The following NCBP1 variants were observed in gnomAD, a reference collection of about 807,000 sequenced individuals.
NCBP1 encodes nuclear cap binding protein subunit 1.
Under a neutral mutation model 111.7 loss-of-function variants are expected in NCBP1, and 16 were observed. The observed-to-expected ratio is 0.14, with a 90% CI of 0.10 to 0.22. The LOEUF is 0.22. Among genes scored for constraint, NCBP1 ranks in the 10% least tolerant of loss-of-function variants. The probability of loss-of-function intolerance (pLI) is 1.00; values close to 1 mark genes in which losing one functional copy is unlikely to be tolerated. For missense variants in NCBP1, 607 were observed against 957.5 expected, an observed-to-expected ratio of 0.63 and a Z score of 4.83; for synonymous variants, 304 against 314.3, an observed-to-expected ratio of 0.97 and a Z score of 0.35.
intron 15 of NCBP1, among the ~76,000 whole-genome samples, chr9:97,659,428 T>C (rs2131356639): frequency 6.6e-6 from 1 of 152,332 alleles, no homozygotes; most frequent in Non-Finnish European, 1.5e-5. Context: ...TGTGTGCCTG[T>C]TTCTCCACCT....
chr9:97,646,249 A>ATGACAGCC (rs1827332000), intron 6 of NCBP1, among the ~76,000 whole-genome samples: 23 of 152,196 alleles, frequency 1.5e-4, no homozygotes, highest in Admixed American at 1.5e-3. Flanking sequence ...AGTACTTCTT[A>ATGACAGCC]AGTAATATGA....
At chr9:97,664,544 T>G (rs952787232) in intron 19 of NCBP1, 101 bp downstream of exon 19, 1 of 732,380 alleles carries the variant, frequency 1.4e-6, no homozygotes, top group African/African-American at 1.8e-5. Flanking sequence ...CAGGTTGATA[T>G]TAATATACTA....
At chr9:97,656,135 C>T (rs747608887) in intron 14 of NCBP1, 50 bp downstream of exon 14, 4 of 1,396,702 alleles carry the variant, frequency 2.9e-6, no homozygotes, top group Admixed American at 1.7e-5. Context: ...GGATTTCTTT[C>T]TCTTCTCTGC....
chr9:97,660,559 CA>C (rs572286928), intron 15 of NCBP1, among the ~76,000 whole-genome samples: 103 of 152,252 alleles, frequency 6.8e-4, no homozygotes, highest in African/African-American at 2.2e-3. Flanking sequence ...TGGGTGTTGG[CA>C]AAATGAAAGA....
In NCBP1 at chr9:97,655,690, TTC is replaced by T. The variant is rs1827632583; in HGVS notation, c.1236-8_1236-7del. 4 of 1,602,848 alleles carry T rather than the reference TTC, an allele frequency of 2.5e-6. No homozygotes were observed. Among genetic ancestry groups the T allele is most frequent in the Non-Finnish European group, 3.4e-6 (4 of 1,174,704 alleles). On this transcript the variant is annotated splice_polypyrimidine_tract_variant and intron_variant, in intron 12 of 22. Coordinates refer to ENST00000375147, the MANE Select transcript of NCBP1 (RefSeq NM_002486.5). ...TCCTTTTTCTCTGCCTACCTCCCCC[TTC>T]TCTACGTAGGTTTATTAATTGGTTT...
intron 20 of NCBP1, among the ~76,000 whole-genome samples, chr9:97,667,608 G>C (rs1244680881): frequency 1.3e-5 from 2 of 152,160 alleles, no homozygotes; most frequent in Non-Finnish European, 2.9e-5. Context: ...ATAGCTAGTA[G>C]GTTGCATAGC....
chr9:97,639,942 A>G (rs1827159016), intron 1 of NCBP1, among the ~76,000 whole-genome samples: 1 of 145,886 alleles, frequency 6.9e-6, no homozygotes. Flanking sequence ...GATTTAAAAA[A>G]CATAGAGATT....
chr9:97,654,967 G>A, intron 12 of NCBP1, 23 bp downstream of exon 12: 1 of 1,529,070 alleles, frequency 6.5e-7, no homozygotes, highest in South Asian at 1.2e-5. Context: ...CTTTACTGCT[G>A]AGCTGAGTTA....
chr9:97,643,428 C>G, intron 4 of NCBP1, 68 bp downstream of exon 4: 1 of 1,396,522 alleles, frequency 7.2e-7, no homozygotes, highest in Non-Finnish European at 9.5e-7. Flanking sequence ...GAACTACAAC[C>G]AAATAATTTA....
At chr9:97,653,983 G>A in intron 11 of NCBP1, 75 bp downstream of exon 11, 15 of 1,336,400 alleles carry the variant, frequency 1.1e-5, no homozygotes, top group Non-Finnish European at 1.6e-5. Context: ...TCTGCTTGTG[G>A]GTTTAAATTT....
intron 19 of NCBP1, 69 bp downstream of exon 19, chr9:97,664,512 A>T: frequency 9.4e-7 from 1 of 1,061,362 alleles, no homozygotes; most frequent in South Asian, 1.5e-5. Flanking sequence ...CTTATACATA[A>T]GCTTCAAATT....
At chr9:97,668,212 G>C (rs1217692975) in intron 20 of NCBP1, among the ~76,000 whole-genome samples, 1 of 152,200 alleles carries the variant, frequency 6.6e-6, no homozygotes, top group African/African-American at 2.4e-5. Flanking sequence ...GTGATGCTGG[G>C]AAAGTCATCT....
intron 18 of NCBP1, among the ~76,000 whole-genome samples, chr9:97,663,897 G>A (rs1422204871): frequency 6.6e-6 from 1 of 151,880 alleles, no homozygotes; most frequent in African/African-American, 2.4e-5. Flanking sequence ...CTAATGATCA[G>A]GCCAGGCGTG....
At chr9:97,670,211 C>A in intron 22 of NCBP1, 1 of 196,572 alleles carries the variant, frequency 5.1e-6, no homozygotes. Context: ...AGCCACGGTG[C>A]CCAGTCTCCT....
At position 97,669,650 on chromosome 9, in the gene NCBP1, G is replaced by A; in HGVS notation, c.2203G>A (p.Val735Ile). Residue 735 changes from valine to isoleucine, a missense_variant, in exon 22 of 23, where the codon GTA becomes ATA. By Grantham distance (29) the Val-to-Ile change is conservative. Coordinates refer to ENST00000375147, the MANE Select transcript of NCBP1 (RefSeq NM_002486.5). ...LVRCETDGTS[V>I]LTPWYKNCIE... is the part of the protein sequence containing the mutation. ...ACGATGCGAAACTGATGGGACCAGT[G>A]TATTAACACCATGGTATAAGAACTG... 1 of 1,613,178 alleles carries A rather than the reference G, an allele frequency of 6.2e-7. No individual in the cohort carries two copies. The highest frequency in any genetic ancestry group is 1.3e-5 in the African/African-American group (1 of 74,968).
chr9:97,652,826 A>G (rs994768138), intron 10 of NCBP1, among the ~76,000 whole-genome samples: 14 of 152,240 alleles, frequency 9.2e-5, no homozygotes, highest in African/African-American at 1.2e-4. Flanking sequence ...ACTTGGCTCA[A>G]TGACATGTCT....
At position 97,643,259 on chromosome 9, in the gene NCBP1, A is replaced by G; in HGVS notation, c.280A>G (p.Asn94Asp). 6.2e-7 allele frequency: 1 copy of G among 1,612,202 alleles called. No individual in the cohort carries two copies. The highest frequency in any genetic ancestry group is 8.5e-7 in the Non-Finnish European group (1 of 1,179,338). Residue 94 changes from asparagine to aspartate, a missense_variant, in exon 4 of 23, where the codon AAT becomes GAT. Asn to Asp is a conservative substitution (Grantham distance 23). Coordinates refer to ENST00000375147, the MANE Select transcript of NCBP1 (RefSeq NM_002486.5). ...TIYTTLVGLL[N>D]ARNYNFGGEF... is the part of the protein sequence containing the mutation. Reference sequence around the variant, plus strand: ...TTATACAACATTAGTTGGACTACTGAATGCCAGGAATTACAATTTTGGTGG... The same window carrying G: ...TTATACAACATTAGTTGGACTACTGGATGCCAGGAATTACAATTTTGGTGG...
rs59567200 is a variant in NCBP1 at position 97,638,619 on chromosome 9, T to G, written c.35-2175T>G. Reference sequence around the variant, plus strand: ...ATAACTGCTCTCATTCAGCTAGTTTTTCAGCATCTGCATTCTCCCAACCTC... The same window carrying G: ...ATAACTGCTCTCATTCAGCTAGTTTGTCAGCATCTGCATTCTCCCAACCTC... On this transcript the variant is annotated intron_variant, in intron 1 of 22. Coordinates refer to ENST00000375147, the MANE Select transcript of NCBP1 (RefSeq NM_002486.5). Among the ~76,000 whole-genome samples, 1,307 of 152,312 alleles carry G rather than the reference T, an allele frequency of 8.6e-3. 6 individuals are homozygous for G. Among genetic ancestry groups the G allele is most frequent in the Non-Finnish European group, 0.012 (786 of 68,018 alleles).
chr9:97,651,200 C>A, intron 9 of NCBP1, 110 bp from the exon 10 acceptor site: 1 of 762,096 alleles, frequency 1.3e-6, no homozygotes, highest in Non-Finnish European at 2.0e-6. Context: ...TAGGACATTT[C>A]AAAAAAGATT....
Sources: allele counts gnomAD v4.1 joint callset (sites outside exome capture counted in the v4.1 genomes callset), GRCh38; gene constraint gnomAD v4.1.1; transcripts MANE v1.5; gene names NCBI Gene and HGNC (gene_info 2026-07-23, HGNC 2026-07-21).